The following TMEM63C variants were observed in gnomAD, a reference collection of about 807,000 sequenced individuals.
TMEM63C encodes the protein osmosensitive cation channel TMEM63C.
TMEM63C carries 32 observed loss-of-function variants against 99.2 expected under a neutral mutation model. The ratio of observed to expected loss-of-function variants is 0.32; its 90% CI spans 0.24 to 0.43. TMEM63C has a LOEUF of 0.43. Among genes scored for constraint, TMEM63C ranks in the 20% least tolerant of loss-of-function variants. TMEM63C has a pLI of 1.00. For synonymous variants in TMEM63C, 376 were observed against 397.9 expected, an observed-to-expected ratio of 0.94 and a Z score of 0.66; for missense variants, 826 against 1,053.0, an observed-to-expected ratio of 0.78 and a Z score of 2.98.
intron 22 of TMEM63C, 61 bp downstream of exon 22, chr14:77,251,959 G>T: frequency 5.2e-6 from 7 of 1,350,188 alleles, no homozygotes; most frequent in Non-Finnish European, 7.5e-6. Context: ...ACAGCTGTAG[G>T]ATACTCTCCA....
chr14:77,197,590 C>T (rs537526062), intron 1 of TMEM63C, among the ~76,000 whole-genome samples: 1 of 152,330 alleles, frequency 6.6e-6, no homozygotes, highest in South Asian at 2.1e-4. Flanking sequence ...ACATCTAGCA[C>T]CCAGTAAGTG....
intron 2 of TMEM63C, among the ~76,000 whole-genome samples, chr14:77,217,334 A>C (rs1273199345): frequency 6.6e-6 from 1 of 152,194 alleles, no homozygotes; most frequent in Non-Finnish European, 1.5e-5. Flanking sequence ...GTCCTTGCTC[A>C]GATGTCATTC....
chr14:77,245,815 T>A (rs1889260838), intron 16 of TMEM63C, 125 bp from the exon 17 acceptor site: 6 of 718,566 alleles, frequency 8.3e-6, no homozygotes, highest in Non-Finnish European at 1.5e-5. Flanking sequence ...AGCTACAAGA[T>A]GAGATTTGGG....
chr14:77,213,031 T>TTGAA (rs147685701), intron 1 of TMEM63C, among the ~76,000 whole-genome samples: 13 of 152,324 alleles, frequency 8.5e-5, no homozygotes, highest in East Asian at 1.9e-4. Flanking sequence ...TGAATTCTTG[T>TTGAA]TGAATGAATG....
rs146385934 is a variant in TMEM63C, at chr14:77,193,991, C to T, written c.-77+12097C>T. Among the ~76,000 whole-genome samples the T allele has an allele frequency of 2.6e-3, 398 of 152,228 alleles. 2 individuals carry two copies. The highest frequency in any genetic ancestry group is 4.4e-3 in the Non-Finnish European group (298 of 68,026). On this transcript the variant is annotated intron_variant, in intron 1 of 23. Coordinates refer to ENST00000298351, the MANE Select transcript of TMEM63C (RefSeq NM_020431.4). ...CTCCAGCCTGGGCAACAGAGTATGACGCTGTCTCAAAACAAATAAACAAGA... is the reference window on the plus strand; with the variant it reads ...CTCCAGCCTGGGCAACAGAGTATGATGCTGTCTCAAAACAAATAAACAAGA...
At chr14:77,253,442 C>A in intron 23 of TMEM63C, 66 bp downstream of exon 23, 2 of 1,470,126 alleles carry the variant, frequency 1.4e-6, no homozygotes, top group Non-Finnish European at 1.9e-6. Context: ...ACTCTAGTGG[C>A]ATTGTGGGGG....
chr14:77,249,610 AAGGGCCTACATT>A (rs1889323900), intron 21 of TMEM63C, among the ~76,000 whole-genome samples, 152 bp downstream of exon 21: 3 of 152,288 alleles, frequency 2.0e-5, no homozygotes, highest in South Asian at 4.1e-4. Context: ...TCTGGGCCTA[AAGGGCCTACATT>A]AGAGTCTCAG....
At chr14:77,202,866 C>T (rs1888325286) in intron 1 of TMEM63C, among the ~76,000 whole-genome samples, 3 of 73,480 alleles carry the variant, frequency 4.1e-5, no homozygotes, top group Admixed American at 3.8e-4. Flanking sequence ...CACACACACA[C>T]GCACACACAC....
chr14:77,244,145 A>G (rs537524876), intron 15 of TMEM63C, among the ~76,000 whole-genome samples: 26 of 152,244 alleles, frequency 1.7e-4, no homozygotes, highest in African/African-American at 6.3e-4. Flanking sequence ...TGACCTCAGC[A>G]TAGAAGGCCT....
rs1889272431 is a variant in TMEM63C at position 77,246,612 on chromosome 14, G to T, written c.1539G>T (p.Leu513Phe). ...VILPSMGLTS[L>F]DVFLRWLFDI... is the part of the protein sequence containing the mutation. ...CCTGCCTTGTTTTTGCTTCTAGTTTGGATGTCTTTCTCCGCTGGCTCTTTG... is the reference window on the plus strand; with the variant it reads ...CCTGCCTTGTTTTTGCTTCTAGTTTTGATGTCTTTCTCCGCTGGCTCTTTG... The change falls in exon 18 of 24, where the codon TTG becomes TTT. Residue 513 changes from leucine to phenylalanine, a missense_variant. Leu to Phe is a conservative substitution (Grantham distance 22). Coordinates refer to ENST00000298351, the MANE Select transcript of TMEM63C (RefSeq NM_020431.4). 6.2e-7 allele frequency: 1 copy of T among 1,612,574 alleles called. No homozygotes were observed. The highest frequency in any genetic ancestry group is 2.2e-5 in the East Asian group (1 of 44,870).
intron 22 of TMEM63C, 53 bp downstream of exon 22, chr14:77,251,951 A>G (rs1889369133): frequency 1.4e-6 from 2 of 1,400,398 alleles, no homozygotes; most frequent in African/African-American, 2.8e-5. Context: ...TGGGGGACAC[A>G]GCTGTAGGAT....
chr14:77,184,597 T>C (rs1887967187), intron 1 of TMEM63C, among the ~76,000 whole-genome samples: 1 of 152,216 alleles, frequency 6.6e-6, no homozygotes, highest in Non-Finnish European at 1.5e-5. Context: ...GGAAAGGCTG[T>C]AATGAAAGTG....
intron 18 of TMEM63C, 50 bp from the exon 19 acceptor site, chr14:77,248,297 C>G (rs1889297957): frequency 6.6e-7 from 1 of 1,522,798 alleles, no homozygotes; most frequent in Non-Finnish European, 8.9e-7. Context: ...TAACATCTCT[C>G]CCTCTCCCTG....
intron 10 of TMEM63C, 91 bp downstream of exon 10, chr14:77,238,858 G>A (rs1392677252): frequency 9.7e-7 from 1 of 1,031,640 alleles, no homozygotes; most frequent in African/African-American, 1.6e-5. Flanking sequence ...GGTGCAGGAT[G>A]GTGGGACTGG....
intron 18 of TMEM63C, 49 bp from the exon 19 acceptor site, chr14:77,248,298 C>T: frequency 2.6e-6 from 4 of 1,528,092 alleles, no homozygotes; most frequent in Non-Finnish European, 3.6e-6. Context: ...AACATCTCTC[C>T]CTCTCCCTGT....
intron 1 of TMEM63C, among the ~76,000 whole-genome samples, chr14:77,200,025 C>A (rs1012937789): frequency 6.6e-6 from 1 of 152,206 alleles, no homozygotes; most frequent in African/African-American, 2.4e-5. Context: ...TCTCTTCCCC[C>A]AGAAATAGCT....
At chr14:77,237,925 C>T (rs1889089121) in intron 9 of TMEM63C, among the ~76,000 whole-genome samples, 1 of 152,228 alleles carries the variant, frequency 6.6e-6, no homozygotes, top group African/African-American at 2.4e-5. Flanking sequence ...AGGACTGATT[C>T]ACTTGAACCC....
At position 77,249,322 on chromosome 14, in the gene TMEM63C, G is replaced by C. The variant is rs201898601; in HGVS notation, c.1902G>C (p.Thr634=). 1.5e-5 allele frequency: 25 copies of C among 1,613,946 alleles called. No homozygotes were observed. The Admixed American group carries it at 4.0e-4, about 26-fold the overall frequency. The change falls in exon 21 of 24, where the codon ACG becomes ACC. Residue 634 remains threonine, a synonymous_variant. Coordinates refer to ENST00000298351, the MANE Select transcript of TMEM63C (RefSeq NM_020431.4). The part of the protein sequence containing the change: ...GLLYLCMKHL[T]DRYNMYYSFA... Reference sequence around the variant, plus strand: ...TCTACCTGTGCATGAAGCACTTGACGGATCGCTATAACATGTACTACTCCT... The same window carrying C: ...TCTACCTGTGCATGAAGCACTTGACCGATCGCTATAACATGTACTACTCCT...
chr14:77,225,661 C>T (rs149537757), intron 6 of TMEM63C, among the ~76,000 whole-genome samples, 200 bp downstream of exon 6: 70 of 152,310 alleles, frequency 4.6e-4, no homozygotes, highest in Admixed American at 3.6e-3. Flanking sequence ...CAGCCCACTG[C>T]CCCTGTTATC....
Sources: allele counts gnomAD v4.1 joint callset (sites outside exome capture counted in the v4.1 genomes callset), GRCh38; gene constraint gnomAD v4.1.1; transcripts MANE v1.5; gene names NCBI Gene and HGNC (gene_info 2026-07-23, HGNC 2026-07-21).